The following ALDH7A1 variants were observed in gnomAD, a reference collection of about 807,000 sequenced individuals.
ALDH7A1 encodes alpha-aminoadipic semialdehyde dehydrogenase.
In ALDH7A1, 63 loss-of-function variants were observed where a neutral mutation model predicts 79.9. That is an observed-to-expected ratio of 0.79 (90% CI 0.64 to 0.97). The LOEUF (loss-of-function observed/expected upper bound fraction) is 0.97. ALDH7A1 is among the 50% of genes least tolerant of loss of function. ALDH7A1 has a pLI of 0.00. For synonymous variants in ALDH7A1, 240 were observed against 231.2 expected, an observed-to-expected ratio of 1.04 and a Z score of -0.34; for missense variants, 627 against 665.2, an observed-to-expected ratio of 0.94 and a Z score of 0.63.
chr5:126,593,495 G>T lies in ALDH7A1; in HGVS notation c.193-91C>A, dbSNP rs75035568. ...CAAACGGGGAAGAAAAACAAGAGAG[G>T]AAAAAATGATATAATACCCAAACTC... On this transcript the variant is annotated intron_variant, in intron 1 of 17. Transcript: ENST00000409134. 0.027 allele frequency: 42,730 copies of T among 1,556,008 alleles called. 1,315 individuals are homozygous for T. Among genetic ancestry groups the T allele is most frequent in the African/African-American group, 0.15 (10,826 of 73,290 alleles).
intron 3 of ALDH7A1, among the ~76,000 whole-genome samples, chr5:126,591,290 G>C (rs1324134182): frequency 1.3e-5 from 2 of 151,960 alleles, no homozygotes; most frequent in Admixed American, 1.3e-4. Flanking sequence ...GGATACTTTT[G>C]ATTGTGTATA....
chr5:126,586,810 G>A (rs1169249171), intron 3 of ALDH7A1: 1 of 152,412 alleles, frequency 6.6e-6, no homozygotes, highest in Non-Finnish European at 1.5e-5. Context: ...TATGGCCGGG[G>A]GCTGTGGTTC....
chr5:126,545,718 G>A (rs1314458562), intron 17 of ALDH7A1, among the ~76,000 whole-genome samples: 11 of 151,264 alleles, frequency 7.3e-5, no homozygotes, highest in Non-Finnish European at 1.5e-4. Context: ...TCTGGGAGGC[G>A]GAGGCTGAGG....
At chr5:126,549,579 TA>T (rs1581356625) in intron 16 of ALDH7A1, 1 of 237,636 alleles carries the variant, frequency 4.2e-6, no homozygotes, top group Non-Finnish European at 8.2e-6. Context: ...ACTTTGCAAA[TA>T]AAAACCAGAA....
intron 9 of ALDH7A1, chr5:126,564,643 A>T: frequency 9.2e-7 from 1 of 1,082,440 alleles, no homozygotes; most frequent in Non-Finnish European, 1.2e-6. Context: ...CATGGCTGTT[A>T]CTACCAAAAG....
At position 126,582,970 on chromosome 5, in the gene ALDH7A1, G is replaced by C. The variant is rs1295063805; in HGVS notation, c.398C>G (p.Ser133Cys). 6.2e-7 allele frequency: 1 copy of C among 1,613,690 alleles called. No individual in the cohort carries two copies. Among genetic ancestry groups the C allele is most frequent in the Non-Finnish European group, 8.5e-7 (1 of 1,179,870 alleles). The change falls in exon 5 of 18, where the codon TCT becomes TGT. Residue 133 changes from serine (S) to cysteine (C), a missense_variant. Physicochemically the swap from Ser to Cys is moderately radical, Grantham distance 112. Coordinates refer to ENST00000409134, the MANE Select transcript of ALDH7A1 (RefSeq NM_001182.5). Reference sequence around the variant, plus strand: ...CACTAAGATTTTCCCCATCTCCAAAGACACCTAGAAATATAAAACGACAAG... The same window carrying C: ...CACTAAGATTTTCCCCATCTCCAAACACACCTAGAAATATAAAACGACAAG... ...EKIQVLGSLV[S>C]LEMGKILVEG... is the part of the protein sequence containing the mutation.
intron 9 of ALDH7A1, among the ~76,000 whole-genome samples, chr5:126,563,789 CCCA>C (rs1750480523): frequency 6.6e-6 from 1 of 152,078 alleles, no homozygotes; most frequent in East Asian, 1.9e-4. Context: ...TCGCAACCGG[CCCA>C]CCATTTTTTT....
Position 126,565,394 on chromosome 5 carries a change from C to CAA in ALDH7A1, c.871+2863_871+2864dup, listed in dbSNP as rs1162552475. 3.5e-3 allele frequency among the ~76,000 whole-genome samples: 222 copies of CAA among 63,342 alleles called. 16 individuals are homozygous for CAA. Among genetic ancestry groups the CAA allele is most frequent in the African/African-American group, 0.011 (171 of 14,934 alleles). 41.6% of individuals were successfully genotyped at this position (63,342 alleles called of 152,430 possible). A position where few individuals can be genotyped will look rare whatever the true frequency, so the allele number is the denominator to read the frequency against. Reference sequence around the variant, plus strand: ...GGCAACAGAGCGTGAGATTCCATCTCAAAAAAAAAAAAAAAAAAAAAAAAA... The same window carrying CAA: ...GGCAACAGAGCGTGAGATTCCATCTCAAAAAAAAAAAAAAAAAAAAAAAAAAA... On this transcript the variant is annotated intron_variant, in intron 9 of 17. Transcript: ENST00000409134.
chr5:126,584,136 C>G lies in ALDH7A1; in HGVS notation c.313-124G>C, dbSNP rs575407663. 200 of 855,540 alleles carry G rather than the reference C, an allele frequency of 2.3e-4. No individual in the cohort carries two copies. In the African/African-American group the frequency reaches 3.0e-3, roughly 13 times the overall value. The allele number at this position is 855,540 out of a possible 1,614,324, so 53.0% of individuals were successfully genotyped here. On this transcript the variant is annotated intron_variant, in intron 3 of 17. Transcript: ENST00000409134. ...TATCAAAGAAGACTTTTGATCACAT[C>G]AAAACTGTGATATGGCCAGGCACTG...
rs1236582760 is a variant in ALDH7A1 at position 126,541,903 on chromosome 5, T to C, written c.*3062A>G. On this transcript the variant is annotated 3_prime_UTR_variant, in exon 18 of 18. Coordinates refer to ENST00000409134, the MANE Select transcript of ALDH7A1 (RefSeq NM_001182.5). Reference sequence around the variant, plus strand: ...ATTAACGTAGACAAATCGTAACATGTACCCCAAATCCAAATGGATTAAAGA... The same window carrying C: ...ATTAACGTAGACAAATCGTAACATGCACCCCAAATCCAAATGGATTAAAGA... 1.3e-5 allele frequency: 2 copies of C among 151,748 alleles called. No individual in the cohort carries two copies. Among genetic ancestry groups the C allele is most frequent in the Non-Finnish European group, 2.9e-5 (2 of 67,996 alleles). The allele number at this position is 151,748 out of a possible 1,614,324, so 9.4% of individuals were successfully genotyped here.
At chr5:126,593,248 C>T (rs1751611373) in intron 2 of ALDH7A1, 103 bp downstream of exon 2, 3 of 1,527,426 alleles carry the variant, frequency 2.0e-6, no homozygotes, top group Middle Eastern at 2.3e-4. Flanking sequence ...CTTGACCTGC[C>T]TAACTGGCTT....
At chr5:126,588,826 T>C (rs1751443631) in intron 3 of ALDH7A1, 1 of 152,116 alleles carries the variant, frequency 6.6e-6, no homozygotes, top group Non-Finnish European at 1.5e-5. Flanking sequence ...GTAAATTGCG[T>C]GAGCCCAGGA....
chr5:126,550,879 C>A (rs1749975548), intron 14 of ALDH7A1, among the ~76,000 whole-genome samples: 1 of 152,198 alleles, frequency 6.6e-6, no homozygotes. Flanking sequence ...ATGGTACATT[C>A]AAATATTGAT....
At chr5:126,566,314 C>T (rs775047976) in intron 9 of ALDH7A1, among the ~76,000 whole-genome samples, 21 of 152,202 alleles carry the variant, frequency 1.4e-4, no homozygotes, top group Admixed American at 7.9e-4. Context: ...AAATGTATTC[C>T]TAAGTATTTT....
chr5:126,542,013 T>G lies in ALDH7A1; in HGVS notation c.*2952A>C, dbSNP rs1045700495. 1 of 151,946 alleles carries G rather than the reference T, an allele frequency of 6.6e-6. No individual in the cohort carries two copies. Among genetic ancestry groups the G allele is most frequent in the Non-Finnish European group, 1.5e-5 (1 of 67,986 alleles). 9.4% of individuals were successfully genotyped at this position (151,946 alleles called of 1,614,324 possible). ...CTAACTGCCTACAACATTTTAAATCTAGAATCCTATATTCAATCAATATGG... is the reference window on the plus strand; with the variant it reads ...CTAACTGCCTACAACATTTTAAATCGAGAATCCTATATTCAATCAATATGG... On this transcript the variant is annotated 3_prime_UTR_variant, in exon 18 of 18. Transcript: ENST00000409134.
intron 16 of ALDH7A1, among the ~76,000 whole-genome samples, chr5:126,548,203 G>A (rs1045081669): frequency 6.6e-6 from 1 of 152,178 alleles, no homozygotes; most frequent in African/African-American, 2.4e-5. Context: ...AGGCTGAAGT[G>A]CAGTGGTGGG....
intron 3 of ALDH7A1, among the ~76,000 whole-genome samples, chr5:126,590,588 T>A (rs1449606686): frequency 6.6e-6 from 1 of 151,760 alleles, no homozygotes; most frequent in Admixed American, 6.6e-5. Flanking sequence ...AACAACAATT[T>A]AAAAAAAATT....
chr5:126,572,153 T>TA, intron 7 of ALDH7A1, among the ~76,000 whole-genome samples: 1 of 152,238 alleles, frequency 6.6e-6, no homozygotes, highest in Admixed American at 6.5e-5. Flanking sequence ...ACTTACTGGC[T>TA]ACTTTCCAAT....
chr5:126,563,347 A>G (rs1001252191), intron 9 of ALDH7A1, among the ~76,000 whole-genome samples: 1 of 152,230 alleles, frequency 6.6e-6, no homozygotes. Context: ...AAACCACTCC[A>G]TAGCATTCCA....
Sources: allele counts gnomAD v4.1 joint callset (sites outside exome capture counted in the v4.1 genomes callset), GRCh38; gene constraint gnomAD v4.1.1; transcripts MANE v1.5; gene names NCBI Gene and HGNC (gene_info 2026-07-23, HGNC 2026-07-21).